The following PLPPR3 variants were observed in gnomAD, a reference collection of about 807,000 sequenced individuals.
The protein encoded by PLPPR3 is phospholipid phosphatase related 3.
Under a neutral mutation model 27.3 loss-of-function variants are expected in PLPPR3, and 14 were observed. The observed-to-expected ratio is 0.51, with a 90% confidence interval of 0.34 to 0.80. The LOEUF (loss-of-function observed/expected upper bound fraction) is 0.80. Among genes scored for constraint, PLPPR3 ranks in the 30% least tolerant of loss-of-function variants. The pLI, the probability that PLPPR3 is intolerant of heterozygous loss-of-function variation, is 0.01. For missense variants in PLPPR3, 1,287 were observed against 1,056.9 expected (o/e 1.22, Z -3.02); for synonymous variants, 671 against 508.0 (o/e 1.32, Z -4.32).
Position 813,403 on chromosome 19 carries a change from C to T in PLPPR3, c.1324G>A (p.Glu442Lys), listed in dbSNP as rs1280664376. ...LRAPAEPMAE[E>K]EEEEEDEEEE... is the part of the protein sequence containing the mutation. ...TCTTCGTCCTCCTCCTCTTCCTCCT[C>T]CTCCGCCATGGGTTCGGCGGGCGCG... The change falls in exon 8 of 8, where the codon GAG (glutamate) becomes AAG (lysine). Residue 442 changes from glutamate to lysine, a missense_variant. By Grantham distance (56) the Glu-to-Lys change is moderately conservative. Transcript: ENST00000520876. The surrounding 1 kb of genome is among the most constrained non-coding windows in gnomAD (Gnocchi z 4.1). The T allele has an allele frequency of 1.2e-5, 18 of 1,504,158 alleles. No individual in the cohort carries two copies. The highest frequency in any genetic ancestry group is 1.6e-5 in the Non-Finnish European group (18 of 1,134,522). 93.2% of individuals were successfully genotyped at this position (1,504,158 alleles called of 1,614,324 possible).
Position 814,707 on chromosome 19 carries a change from G to A in PLPPR3, c.642C>T (p.Ala214=), listed in dbSNP as rs757333394. Reference sequence around the variant, plus strand: ...CCGGACTCACCGACACATAGACCGCGGCGAAGGCTGACAGCGTGGCGTGCT... The same window carrying A: ...CCGGACTCACCGACACATAGACCGCAGCGAAGGCTGACAGCGTGGCGTGCT... ...PSQHATLSAF[A]AVYVSMYFNS... The change falls in exon 6 of 8, where the codon GCC becomes GCT. Residue 214 remains alanine (A), a synonymous_variant. Transcript: ENST00000520876. 6.9e-6 allele frequency: 11 copies of A among 1,593,796 alleles called. No homozygotes were observed. The highest frequency in any genetic ancestry group is 6.0e-6 in the Non-Finnish European group (7 of 1,172,954).
In PLPPR3 at chr19:815,293, T is replaced by C. The variant is rs746940619; in HGVS notation, c.296A>G (p.Gln99Arg). ...CCCGGCACGGCCCCACAGCCGGGACTGCAGACAGTACAACATGCCCTCGGC... is the reference window on the plus strand; with the variant it reads ...CCCGGCACGGCCCCACAGCCGGGACCGCAGACAGTACAACATGCCCTCGGC... ...MVAEGMLYCL[Q>R]SRLWGRAGGP... is the part of the protein sequence containing the mutation. Residue 99 changes from glutamine to arginine, a missense_variant, in exon 4 of 8, where the codon CAG becomes CGG. Transcript: ENST00000520876. 3.3e-5 allele frequency: 51 copies of C among 1,550,704 alleles called. No homozygotes were observed. The Admixed American group carries it at 9.6e-4, about 29-fold the overall frequency.
chr19:813,540 T>A lies in PLPPR3; in HGVS notation c.1187A>T (p.His396Leu), dbSNP rs1326787471. The change falls in exon 8 of 8, where the codon CAC becomes CTC. Residue 396 changes from histidine (H) to leucine (L), a missense_variant. Transcript: ENST00000520876. This position sits in a 1 kb window ranked among gnomAD's most constrained non-coding sequence, Gnocchi z 4.1. ...DDPARRHMTI[H>L]VPLDASRSKQ... ...GGAGCGCGAGGCGTCCAGCGGCACG[T>A]GGATGGTCATGTGGCGGCGCGCGGG... is the stretch of plus-strand genomic sequence containing the variant. 6.4e-7 allele frequency: 1 copy of A among 1,562,372 alleles called. No individual in the cohort carries two copies. Among genetic ancestry groups the A allele is most frequent in the Non-Finnish European group, 8.7e-7 (1 of 1,155,678 alleles).
Position 821,919 on chromosome 19 carries a change from C to A in PLPPR3, c.-31G>T. 1 of 164,360 alleles carries A rather than the reference C, an allele frequency of 6.1e-6. No individual in the cohort carries two copies. The highest frequency in any genetic ancestry group is 1.3e-5 in the Non-Finnish European group (1 of 77,260). 10.2% of individuals were successfully genotyped at this position (164,360 alleles called of 1,614,324 possible). A position where few individuals can be genotyped will look rare whatever the true frequency, so the allele number is the denominator to read the frequency against. ...CCCAGCCCCACAGCCCCTCACCTGG[C>A]GCGGCCGGCGCCCAGCACAAAGCGC... On this transcript the variant is annotated 5_prime_UTR_variant, in exon 1 of 8. Transcript: ENST00000520876.
Position 821,586 on chromosome 19 carries a change from C to A in PLPPR3, c.-26-1G>T. The A allele has an allele frequency of 7.1e-7, 1 of 1,413,704 alleles. No individual in the cohort carries two copies. Among genetic ancestry groups the A allele is most frequent in the Non-Finnish European group, 9.4e-7 (1 of 1,067,434 alleles). The allele number at this position is 1,413,704 out of a possible 1,614,324, so 87.6% of individuals were successfully genotyped here. A position where few individuals can be genotyped will look rare whatever the true frequency, so the allele number is the denominator to read the frequency against. On this transcript the variant is annotated splice_acceptor_variant, in intron 1 of 7. Transcript: ENST00000520876. LOFTEE classifies it low-confidence loss of function (5UTR_SPLICE). ...GTGCCGCGGGCGCCGCAGGCCGTGG[C>A]TGGAGGGGAGAAAGCGGCGCTGGAG...
upstream of PLPPR3, among the ~76,000 whole-genome samples, chr19:822,238 C>T (rs1459801712): frequency 6.6e-6 from 1 of 151,744 alleles, no homozygotes; most frequent in African/African-American, 2.4e-5. Flanking sequence ...CGGTCCCGTC[C>T]TCCCCTCCCG....
chr19:815,079 C>T lies in PLPPR3; in HGVS notation c.406G>A (p.Val136Ile). ...FLRRTVRFVG[V>I]HVFGLCATAL... Reference sequence around the variant, plus strand: ...GTGGCACACAGGCCGAACACGTGGACACCTGCAGGGCGGAAGGCTCGGCCA... The same window carrying T: ...GTGGCACACAGGCCGAACACGTGGATACCTGCAGGGCGGAAGGCTCGGCCA... Residue 136 changes from valine to isoleucine, a missense_variant and splice_region_variant, in exon 5 of 8, where the codon GTC becomes ATC. Transcript: ENST00000520876. The T allele has an allele frequency of 6.2e-7, 1 of 1,605,266 alleles. No homozygotes were observed. The highest frequency in any genetic ancestry group is 8.5e-7 in the Non-Finnish European group (1 of 1,179,812).
chr19:813,130 G>A lies in PLPPR3; in HGVS notation c.1597C>T (p.Pro533Ser), dbSNP rs756890234. The A allele has an allele frequency of 4.6e-6, 7 of 1,511,602 alleles. No individual in the cohort carries two copies. The highest frequency in any genetic ancestry group is 1.7e-4 in the Middle Eastern group (1 of 5,764). 93.6% of individuals were successfully genotyped at this position (1,511,602 alleles called of 1,614,324 possible). Residue 533 changes from proline to serine, a missense_variant, in exon 8 of 8, where the codon CCT becomes TCT. Transcript: ENST00000520876. The surrounding 1 kb of genome is among the most constrained non-coding windows in gnomAD (Gnocchi z 4.1). ...AEKSGAAVAN[P>S]PRLLQVIAMS... is the part of the protein sequence containing the mutation. The stretch of plus-strand genomic sequence containing the variant: ...GCGATGACCTGCAGCAGCCGCGGAG[G>A]GTTGGCCACTGCCGCCCCGCTCTTC...
intron 1 of PLPPR3, 62 bp from the exon 2 acceptor site, chr19:821,647 GGCCGGC>G: frequency 1.0e-6 from 1 of 953,102 alleles, no homozygotes; most frequent in Non-Finnish European, 1.5e-6. Flanking sequence ...GAGACACGGT[GGCCGGC>G]GCCGGCGGGG....
intron 2 of PLPPR3, among the ~76,000 whole-genome samples, chr19:820,799 A>C (rs1322782608): frequency 6.6e-6 from 1 of 152,064 alleles, no homozygotes; most frequent in African/African-American, 2.4e-5. Context: ...CTGGGATTAC[A>C]GGCGTGAGCC....
chr19:817,970 C>G (rs10426972), intron 2 of PLPPR3, among the ~76,000 whole-genome samples: 14,398 of 152,052 alleles, frequency 0.095, 1,032 homozygotes, highest in African/African-American at 0.2. Context: ...GGGAGGTGGC[C>G]CCTGGCAACT....
intron 5 of PLPPR3, 37 bp downstream of exon 5, chr19:814,849 A>G (rs776029589): frequency 4.4e-6 from 7 of 1,595,126 alleles, no homozygotes; most frequent in Admixed American, 1.7e-5. Context: ...GGGGCGGAAG[A>G]AGGCTCCCAG....
In PLPPR3 at chr19:813,985, CGGGGGT is replaced by C; in HGVS notation, c.832-96_832-91del. ...GGACTTGCCGCGGGGGGCTCTGGAC[CGGGGGT>C]GGGGGCTGGCAAGCTCTTGTCCAGT... On this transcript the variant is annotated intron_variant, in intron 7 of 7. Transcript: ENST00000520876. The surrounding 1 kb of genome is among the most constrained non-coding windows in gnomAD (Gnocchi z 4.1). 7.7e-7 allele frequency: 1 copy of C among 1,294,236 alleles called. No homozygotes were observed. Among genetic ancestry groups the C allele is most frequent in the Non-Finnish European group, 1.0e-6 (1 of 988,092 alleles). The allele number at this position is 1,294,236 out of a possible 1,614,324, so 80.2% of individuals were successfully genotyped here. A position where few individuals can be genotyped will look rare whatever the true frequency, so the allele number is the denominator to read the frequency against.
chr19:815,696 G>A lies in PLPPR3; in HGVS notation c.231C>T (p.Leu77=), dbSNP rs377438263. 9.8e-5 allele frequency: 157 copies of A among 1,604,470 alleles called. No homozygotes were observed. The East Asian group carries it at 1.4e-3, about 14-fold the overall frequency. ...NEELIPLLML[L]SLAFAAPAAS... is the part of the protein sequence containing the mutation. ...CGGCAGGGGCCGCGAAGGCCAAGCTGAGCAGCATCAGCAGCGGGATGAGCT... is the reference window on the plus strand; with the variant it reads ...CGGCAGGGGCCGCGAAGGCCAAGCTAAGCAGCATCAGCAGCGGGATGAGCT... Residue 77 remains leucine, a synonymous_variant, in exon 3 of 8, where the codon CTC becomes CTT. Coordinates refer to ENST00000520876, the MANE Select transcript of PLPPR3 (RefSeq NM_001270366.2).
At position 813,273 on chromosome 19, in the gene PLPPR3, G is replaced by T. The variant is rs1009657164; in HGVS notation, c.1454C>A (p.Pro485Gln). 2 of 1,475,012 alleles carry T rather than the reference G, an allele frequency of 1.4e-6. No homozygotes were observed. The highest frequency in any genetic ancestry group is 3.0e-5 in the African/African-American group (2 of 67,058). 91.4% of individuals were successfully genotyped at this position (1,475,012 alleles called of 1,614,324 possible). A position where few individuals can be genotyped will look rare whatever the true frequency, so the allele number is the denominator to read the frequency against. The stretch of plus-strand genomic sequence containing the variant: ...CAGCGGCGGCGGCCCCGCGCGCGGT[G>T]GGAGGATGACCCGAGGCCCCAGCCC... The part of the protein sequence containing the change: ...RPGLGPRVIL[P>Q]PRAGPPPLVH... Residue 485 changes from proline to glutamine, a missense_variant, in exon 8 of 8, where the codon CCA becomes CAA. Pro to Gln is a moderately conservative substitution (Grantham distance 76). Transcript: ENST00000520876. The surrounding 1 kb of genome is among the most constrained non-coding windows in gnomAD (Gnocchi z 4.1).
intron 2 of PLPPR3, among the ~76,000 whole-genome samples, chr19:820,669 G>A (rs2035129928): frequency 6.6e-6 from 1 of 152,078 alleles, no homozygotes; most frequent in Admixed American, 6.6e-5. Flanking sequence ...ACAGGCATAA[G>A]CCAACATACC....
At chr19:820,316 T>C (rs2035125683) in intron 2 of PLPPR3, among the ~76,000 whole-genome samples, 1 of 151,932 alleles carries the variant, frequency 6.6e-6, no homozygotes, top group Non-Finnish European at 1.5e-5. Context: ...CCTAAGTAGC[T>C]GAGAATAAAG....
At position 812,979 on chromosome 19, in the gene PLPPR3, A is replaced by C. The variant is rs754640151; in HGVS notation, c.1748T>G (p.Ile583Ser). 3 of 1,499,796 alleles carry C rather than the reference A, an allele frequency of 2.0e-6. No individual in the cohort carries two copies. The highest frequency in any genetic ancestry group is 2.7e-6 in the Non-Finnish European group (3 of 1,131,438). The allele number at this position is 1,499,796 out of a possible 1,614,324, so 92.9% of individuals were successfully genotyped here. A position where few individuals can be genotyped will look rare whatever the true frequency, so the allele number is the denominator to read the frequency against. Residue 583 changes from isoleucine (I) to serine (S), a missense_variant, in exon 8 of 8, where the codon ATC becomes AGC. Ile to Ser is a moderately radical substitution (Grantham distance 142, BLOSUM62 -2). Coordinates refer to ENST00000520876, the MANE Select transcript of PLPPR3 (RefSeq NM_001270366.2). ...SDRDSASIVT[I>S]DAHAPHHPVV... ...GGGGTGGTGCGGCGCGTGCGCGTCG[A>C]TGGTCACGATGCTGGCGGAGTCGCG...
chr19:813,749 C>T lies in PLPPR3; in HGVS notation c.978G>A (p.Leu326=), dbSNP rs761744725. 41 of 1,526,694 alleles carry T rather than the reference C, an allele frequency of 2.7e-5. No homozygotes were observed. The highest frequency in any genetic ancestry group is 3.2e-5 in the Non-Finnish European group (37 of 1,142,684). 94.6% of individuals were successfully genotyped at this position (1,526,694 alleles called of 1,614,324 possible). A position where few individuals can be genotyped will look rare whatever the true frequency, so the allele number is the denominator to read the frequency against. The stretch of plus-strand genomic sequence containing the variant: ...CGCCCTCCAGCCGCCCTGGGGGCCC[C>T]AGCTCGTCGGTGCTCACCGACTTAT... ...QQNKSVSTDE[L]GPPGRLEGAP... The change falls in exon 8 of 8, where the codon CTG becomes CTA. Residue 326 remains leucine, a synonymous_variant. Transcript: ENST00000520876. This position sits in a 1 kb window ranked among gnomAD's most constrained non-coding sequence, Gnocchi z 4.1.
Sources: allele counts gnomAD v4.1 joint callset (sites outside exome capture counted in the v4.1 genomes callset), GRCh38; gene constraint gnomAD v4.1.1; non-coding constraint Gnocchi (gnomAD v3.1); transcripts MANE v1.5; gene names NCBI Gene and HGNC (gene_info 2026-07-23, HGNC 2026-07-21).